Variants in ARHGAP44 observed in about 807,000 individuals in gnomAD.
ARHGAP44 encodes the protein Rho GTPase activating protein 44.
In ARHGAP44, 43 loss-of-function variants were observed where a neutral mutation model predicts 106.8. The observed-to-expected ratio is 0.40, with a 90% CI of 0.32 to 0.52. The LOEUF (loss-of-function observed/expected upper bound fraction) is 0.52, where lower values mean the gene tolerates loss of function less well. ARHGAP44 is among the 20% of genes least tolerant of loss of function. The pLI is 0.48. For missense variants in ARHGAP44, 866 were observed against 1,050.5 expected (o/e 0.82, Z 2.43); for synonymous variants, 439 against 410.3 (o/e 1.07, Z -0.85).
intron 1 of ARHGAP44, among the ~76,000 whole-genome samples, chr17:12,868,654 TA>T (rs1007139581): frequency 6.9e-6 from 1 of 144,262 alleles, no homozygotes; most frequent in Non-Finnish European, 1.5e-5. Flanking sequence ...ATATTTTATT[TA>T]TTTTTTTAAT....
Position 12,789,780 on chromosome 17 carries a change from G to T in ARHGAP44, c.-59G>T. 8.4e-6 allele frequency: 12 copies of T among 1,421,858 alleles called. No individual in the cohort carries two copies. Among genetic ancestry groups the T allele is most frequent in the Non-Finnish European group, 1.1e-5 (12 of 1,084,268 alleles). 88.1% of individuals were successfully genotyped at this position (1,421,858 alleles called of 1,614,324 possible). A position where few individuals can be genotyped will look rare whatever the true frequency, so the allele number is the denominator to read the frequency against. On this transcript the variant is annotated 5_prime_UTR_variant, in exon 1 of 21. Coordinates refer to ENST00000379672, the MANE Select transcript of ARHGAP44 (RefSeq NM_014859.6). ...CGCGGGAGCCATGTAACCCTGCGGC[G>T]GGCTCCGGGCTGCTCCGTCCTTCCC...
chr17:12,848,607 A>G (rs1435333789), intron 1 of ARHGAP44, among the ~76,000 whole-genome samples: 2 of 152,168 alleles, frequency 1.3e-5, no homozygotes, highest in African/African-American at 2.4e-5. Flanking sequence ...TAATAATTTT[A>G]TAGCCCTCTG....
chr17:12,958,976 A>G lies in ARHGAP44; in HGVS notation c.1523+79A>G. On this transcript the variant is annotated intron_variant, in intron 16 of 20. Transcript: ENST00000379672. This position sits in a 1 kb window ranked among gnomAD's most constrained non-coding sequence, Gnocchi z 4.1. ...TGGATGGGTGACGCATAAGAAAAAT[A>G]CAATTACGGGAAGGCTGCACTGACT... 1 of 1,485,396 alleles carries G rather than the reference A, an allele frequency of 6.7e-7. No homozygotes were observed. The highest frequency in any genetic ancestry group is 9.2e-7 in the Non-Finnish European group (1 of 1,092,188). The allele number at this position is 1,485,396 out of a possible 1,614,324, so 92.0% of individuals were successfully genotyped here.
chr17:12,975,311 C>CT lies in ARHGAP44; in HGVS notation c.1763+1011dup, dbSNP rs560285271. 8.6e-3 allele frequency among the ~76,000 whole-genome samples: 1,290 copies of CT among 149,474 alleles called. 15 individuals are homozygous for CT. Among genetic ancestry groups the CT allele is most frequent in the African/African-American group, 0.027 (1,118 of 40,710 alleles). ...CTTCTCTTTATAGTCATAGCAGCCA[C>CT]TTTTTTTTTTCTTTTGATGCCGCTA... On this transcript the variant is annotated intron_variant, in intron 18 of 20. Coordinates refer to ENST00000379672, the MANE Select transcript of ARHGAP44 (RefSeq NM_014859.6).
chr17:12,936,130 A>G (rs1030590813), intron 7 of ARHGAP44, among the ~76,000 whole-genome samples: 5 of 151,882 alleles, frequency 3.3e-5, no homozygotes, highest in African/African-American at 1.2e-4. Flanking sequence ...CAAACATACA[A>G]CCTCCCCCAA....
intron 1 of ARHGAP44, among the ~76,000 whole-genome samples, chr17:12,791,869 A>G (rs1283261176): frequency 6.6e-6 from 1 of 152,186 alleles, no homozygotes; most frequent in Non-Finnish European, 1.5e-5. Flanking sequence ...GCACTGGGCC[A>G]GGTGAGGGCC....
At chr17:12,807,593 T>A (rs2034315014) in intron 1 of ARHGAP44, among the ~76,000 whole-genome samples, 1 of 152,200 alleles carries the variant, frequency 6.6e-6, no homozygotes, top group African/African-American at 2.4e-5. Flanking sequence ...TGAGACTTAG[T>A]CACTATCACA....
rs138761232 is a variant in ARHGAP44, at chr17:12,868,394, A to C, written c.54-26546A>C. Among the ~76,000 whole-genome samples the C allele has an allele frequency of 2.8e-3, 427 of 151,914 alleles. 1 individual carries two copies. Among genetic ancestry groups the C allele is most frequent in the South Asian group, 4.8e-3 (23 of 4,806 alleles). On this transcript the variant is annotated intron_variant, in intron 1 of 20. Transcript: ENST00000379672. ...TACTGGGATTAGAATTTAATATGAAATTTTTGGGGAACACAGTTCAGTCCT... is the reference window on the plus strand; with the variant it reads ...TACTGGGATTAGAATTTAATATGAACTTTTTGGGGAACACAGTTCAGTCCT...
chr17:12,944,331 AC>A, intron 10 of ARHGAP44, 135 bp downstream of exon 10: 1 of 1,127,424 alleles, frequency 8.9e-7, no homozygotes, highest in Non-Finnish European at 1.2e-6. Context: ...AGTGGCTCAG[AC>A]CCATCTTCTG....
At position 12,990,355 on chromosome 17, in the gene ARHGAP44, GTT is replaced by G; in HGVS notation, c.*187_*188del. 2.7e-6 allele frequency: 2 copies of G among 747,672 alleles called. No individual in the cohort carries two copies. Among genetic ancestry groups the G allele is most frequent in the Non-Finnish European group, 4.1e-6 (2 of 482,402 alleles). The allele number at this position is 747,672 out of a possible 1,614,324, so 46.3% of individuals were successfully genotyped here. Reference sequence around the variant, plus strand: ...CCGTGTGGTGATGCTGGTGGTGCAGGTTTTGTTTGTTCCTTTCGGGTGGTGAC... The same window carrying G: ...CCGTGTGGTGATGCTGGTGGTGCAGGTTGTTTGTTCCTTTCGGGTGGTGAC... On this transcript the variant is annotated 3_prime_UTR_variant, in exon 21 of 21. Transcript: ENST00000379672.
At chr17:12,986,626 G>C (rs2143464019) in intron 20 of ARHGAP44, 1 of 124,050 alleles carries the variant, frequency 8.1e-6, no homozygotes, top group African/African-American at 3.1e-5. Flanking sequence ...GTGGAGCCGA[G>C]ATTGTGCCAC....
intron 1 of ARHGAP44, among the ~76,000 whole-genome samples, chr17:12,851,942 A>G (rs908060756): frequency 6.6e-6 from 1 of 151,726 alleles, no homozygotes; most frequent in Non-Finnish European, 1.5e-5. Flanking sequence ...ATCAGTTGGT[A>G]TAAAAATGAG....
At chr17:12,928,745 C>T (rs999414032) in intron 6 of ARHGAP44, among the ~76,000 whole-genome samples, 184 bp from the exon 7 acceptor site, 3 of 152,178 alleles carry the variant, frequency 2.0e-5, no homozygotes, top group South Asian at 4.1e-4. Flanking sequence ...AAGCAGTTGA[C>T]GCATGGAAAT....
At chr17:12,880,972 A>G (rs931393909) in intron 1 of ARHGAP44, among the ~76,000 whole-genome samples, 2 of 152,172 alleles carry the variant, frequency 1.3e-5, no homozygotes, top group Non-Finnish European at 2.9e-5. Context: ...TTTAATTTGT[A>G]TATTCCTCCT....
At chr17:12,952,389 A>C in intron 12 of ARHGAP44, 112 bp from the exon 13 acceptor site, 1 of 834,836 alleles carries the variant, frequency 1.2e-6, no homozygotes, top group Non-Finnish European at 1.9e-6. Context: ...GCTTGCTGAT[A>C]TGGTCAGTTA....
chr17:12,813,185 G>A (rs1415747990), intron 1 of ARHGAP44, among the ~76,000 whole-genome samples: 1 of 152,148 alleles, frequency 6.6e-6, no homozygotes, highest in Admixed American at 6.6e-5. Flanking sequence ...AGTGGAAGAG[G>A]GTGAGGAGAG....
Position 12,980,222 on chromosome 17 carries a change from C to T in ARHGAP44, c.1928C>T (p.Thr643Ile), listed in dbSNP as rs553386211. ...CCGCCTGCAGACCAGAGTCCTCACA[C>T]CCTCCGGAAAGGTATGGCCCTGCTT... ...SQPPADQSPH[T>I]LRKVSKKLAP... The change falls in exon 19 of 21, where the codon ACC (threonine) becomes ATC (isoleucine). Residue 643 changes from threonine to isoleucine, a missense_variant. This residue lies in a region of ARHGAP44 where 418 missense variants were observed against 403.6 expected (regional missense o/e 1.04). Transcript: ENST00000379672. 8.1e-6 allele frequency: 13 copies of T among 1,612,444 alleles called. No homozygotes were observed. In the South Asian group the frequency reaches 1.4e-4, roughly 18 times the overall value.
rs1032074726 is a variant in ARHGAP44, at chr17:12,952,724, T to C, written c.1136+143T>C. ...GGTATTATTAACATGCATGGTCTCT[T>C]TTTTTTTTTTTTTTTTTTTTTTTTT... On this transcript the variant is annotated intron_variant, in intron 13 of 20. Transcript: ENST00000379672. 0.011 allele frequency: 517 copies of C among 45,712 alleles called. 10 individuals carry two copies. The East Asian group carries it at 0.27, about 24-fold the overall frequency. 2.8% of individuals were successfully genotyped at this position (45,712 alleles called of 1,614,324 possible).
intron 3 of ARHGAP44, among the ~76,000 whole-genome samples, chr17:12,900,742 C>T (rs367796650): frequency 1.3e-5 from 2 of 151,916 alleles, no homozygotes; most frequent in South Asian, 2.1e-4. Flanking sequence ...CTGCTCAGAC[C>T]GTGTCTTAGT....
Sources: allele counts gnomAD v4.1 joint callset (sites outside exome capture counted in the v4.1 genomes callset), GRCh38; gene constraint gnomAD v4.1.1; regional missense constraint gnomAD v4.1.1; non-coding constraint Gnocchi (gnomAD v3.1); transcripts MANE v1.5; gene names NCBI Gene and HGNC (gene_info 2026-07-23, HGNC 2026-07-21).